GSDMC: variants seen among roughly 807,000 people sequenced by gnomAD.
GSDMC encodes the protein gasdermin C, also known as gasdermin-C.
A neutral mutation model predicts 58.0 loss-of-function variants in GSDMC; 59 were observed. The ratio of observed to expected loss-of-function variants is 1.02; its 90% confidence interval spans 0.82 to 1.26. The LOEUF (loss-of-function observed/expected upper bound fraction) is 1.26, where lower values mean the gene tolerates loss of function less well. GSDMC is among the 50% of genes most tolerant of loss of function. The pLI, the probability that GSDMC is intolerant of heterozygous loss-of-function variation, is 0.00. For synonymous variants in GSDMC, 241 were observed against 220.2 expected, an observed-to-expected ratio of 1.09 and a Z score of -0.83; for missense variants, 659 against 598.5, an observed-to-expected ratio of 1.10 and a Z score of -1.06.
intron 6 of GSDMC, among the ~76,000 whole-genome samples, chr8:129,755,426 G>A (rs2033389535): frequency 1.3e-5 from 2 of 152,128 alleles, no homozygotes; most frequent in Non-Finnish European, 2.9e-5. Flanking sequence ...AACAAAAGCT[G>A]AGTAATTTCA....
intron 6 of GSDMC, among the ~76,000 whole-genome samples, chr8:129,753,321 C>T (rs1318800392): frequency 6.6e-6 from 1 of 152,168 alleles, no homozygotes; most frequent in Non-Finnish European, 1.5e-5. Context: ...CACAGTAGGA[C>T]AGGAGACTGG....
At chr8:129,764,579 A>G (rs992268125) in intron 4 of GSDMC, among the ~76,000 whole-genome samples, 1 of 152,172 alleles carries the variant, frequency 6.6e-6, no homozygotes, top group African/African-American at 2.4e-5. Flanking sequence ...GTTTTCCAGA[A>G]GGTCTTCTGC....
the GSDMC span, among the ~76,000 whole-genome samples, chr8:129,724,572 T>C: frequency 2.6e-5 from 4 of 151,446 alleles, no homozygotes; most frequent in Non-Finnish European, 5.9e-5. Flanking sequence ...TGGTATCTTG[T>C]ATGCATCCAA....
intron 10 of GSDMC, among the ~76,000 whole-genome samples, chr8:129,750,962 T>G (rs1158269740): frequency 6.6e-6 from 1 of 152,188 alleles, no homozygotes; most frequent in East Asian, 1.9e-4. Flanking sequence ...TTAAATGGGA[T>G]GTTATGAGGA....
chr8:129,783,796 C>A (rs549087229), intron 1 of GSDMC, among the ~76,000 whole-genome samples: 1 of 152,104 alleles, frequency 6.6e-6, no homozygotes, highest in South Asian at 2.1e-4. Flanking sequence ...CTATCCTGAG[C>A]AAAAAGAGCA....
intron 1 of GSDMC, among the ~76,000 whole-genome samples, chr8:129,779,383 T>C (rs1259065335): frequency 6.6e-6 from 1 of 152,224 alleles, no homozygotes; most frequent in African/African-American, 2.4e-5. Context: ...TTTTCACTTA[T>C]AAGTGGGAGC....
At position 129,776,183 on chromosome 8, in the gene GSDMC, T is replaced by A. The variant is rs1202630552; in HGVS notation, c.323A>T (p.Glu108Val). The A allele has an allele frequency of 1.2e-6, 2 of 1,613,620 alleles. No individual in the cohort carries two copies. Residue 108 changes from glutamate to valine, a missense_variant, in exon 3 of 14, where the codon GAG becomes GTG. Coordinates refer to ENST00000276708, the MANE Select transcript of GSDMC (RefSeq NM_031415.3). ...GGAGCATCCATGGTCCACAGAGGCC[T>A]CCCCTGACACACTCACTTCTATACC... Reference protein sequence around the residue: ...NVGIEVSVSGEASVDHGCSLE... With the variant: ...NVGIEVSVSGVASVDHGCSLE...
the GSDMC span, among the ~76,000 whole-genome samples, chr8:129,709,242 C>T: frequency 7.1e-4 from 108 of 151,652 alleles, no homozygotes; most frequent in African/African-American, 2.5e-3. Flanking sequence ...TGGCTGAATG[C>T]TACTGTGAAA....
the GSDMC span, among the ~76,000 whole-genome samples, chr8:129,740,567 C>A: frequency 6.6e-6 from 1 of 152,104 alleles, no homozygotes; most frequent in Non-Finnish European, 1.5e-5. Flanking sequence ...GGTTTATAGC[C>A]TTTGAGCAAT....
the GSDMC span, among the ~76,000 whole-genome samples, chr8:129,731,753 C>T: frequency 1.3e-5 from 2 of 152,314 alleles, no homozygotes; most frequent in South Asian, 4.1e-4. Flanking sequence ...AACACCCTCA[C>T]AGAAACACCC....
intron 3 of GSDMC, among the ~76,000 whole-genome samples, chr8:129,773,068 C>T (rs1174705357): frequency 6.6e-6 from 1 of 152,160 alleles, no homozygotes; most frequent in African/African-American, 2.4e-5. Flanking sequence ...ATTCATCATC[C>T]TTTCATGATA....
At chr8:129,721,946 T>C in the GSDMC span, among the ~76,000 whole-genome samples, 1 of 151,904 alleles carries the variant, frequency 6.6e-6, no homozygotes, top group Non-Finnish European at 1.5e-5. Flanking sequence ...CCCACCCAAA[T>C]CACAATGACT....
At chr8:129,718,440 A>C in the GSDMC span, among the ~76,000 whole-genome samples, 1 of 152,320 alleles carries the variant, frequency 6.6e-6, no homozygotes, top group South Asian at 2.1e-4. Flanking sequence ...TCATCTCATC[A>C]CTAGTCATTA....
At chr8:129,728,321 G>A in the GSDMC span, among the ~76,000 whole-genome samples, 1 of 152,144 alleles carries the variant, frequency 6.6e-6, no homozygotes, top group African/African-American at 2.4e-5. Context: ...AGTGACCCTG[G>A]TGCAGAGGAG....
chr8:129,720,271 G>A, the GSDMC span, among the ~76,000 whole-genome samples: 1 of 152,210 alleles, frequency 6.6e-6, no homozygotes, highest in South Asian at 2.1e-4. Flanking sequence ...TCCTTTGTAG[G>A]CTAAAGACCA....
At chr8:129,771,727 T>C (rs554362697) in intron 3 of GSDMC, among the ~76,000 whole-genome samples, 2,108 of 148,810 alleles carry the variant, frequency 0.014, 57 homozygotes, top group African/African-American at 0.049. Flanking sequence ...AAACTAGAAA[T>C]CATAACAAGG....
intron 5 of GSDMC, among the ~76,000 whole-genome samples, chr8:129,762,119 G>A (rs1177443389): frequency 1.3e-5 from 2 of 152,186 alleles, no homozygotes; most frequent in Non-Finnish European, 1.5e-5. Flanking sequence ...TGTGTGGTCA[G>A]GAACTGTGCA....
chr8:129,783,798 A>G (rs182877278), intron 1 of GSDMC, among the ~76,000 whole-genome samples: 1 of 152,320 alleles, frequency 6.6e-6, no homozygotes, highest in Admixed American at 6.5e-5. Context: ...ATCCTGAGCA[A>G]AAAGAGCAAA....
chr8:129,747,015 C>T (rs564003899), downstream of GSDMC, among the ~76,000 whole-genome samples: 118 of 151,444 alleles, frequency 7.8e-4, 1 homozygote, highest in African/African-American at 2.6e-3. Context: ...TTTGGGAGGC[C>T]GAAGCAGGCA....
Sources: gnomAD v4.1 joint callset for allele counts (sites outside exome capture counted in the v4.1 genomes callset) on GRCh38, gnomAD v4.1.1 for gene constraint, MANE v1.5 for transcripts, NCBI Gene and HGNC (gene_info 2026-07-23, HGNC 2026-07-21) for gene names.